The following HIVEP3 variants were observed in gnomAD, a reference collection of about 807,000 sequenced individuals.
HIVEP3 encodes transcription factor HIVEP3.
Under a neutral mutation model 152.8 loss-of-function variants are expected in HIVEP3, and 49 were observed. That is an observed-to-expected ratio of 0.32 (90% CI 0.26 to 0.41). The LOEUF is 0.41. HIVEP3 is among the 10% of genes least tolerant of loss of function. The pLI, the probability that HIVEP3 is intolerant of heterozygous loss-of-function variation, is 1.00. For missense variants in HIVEP3, 2,790 were observed against 3,103.3 expected (o/e 0.90, Z 2.40); for synonymous variants, 1,269 against 1,289.0 (o/e 0.98, Z 0.33).
In HIVEP3 at chr1:41,824,722, C is replaced by T. The variant is rs896824931; in HGVS notation, c.-801+93691G>A. ...GAGTTAACATTTATATCACCAGATA[C>T]CAAGCCCTGTTCCAAGTTAAATATA... On this transcript the variant is annotated intron_variant, in intron 1 of 8. Coordinates refer to ENST00000372583, the MANE Select transcript of HIVEP3 (RefSeq NM_024503.5). Among the ~76,000 whole-genome samples, 18 of 134,934 alleles carry T rather than the reference C, an allele frequency of 1.3e-4. 1 individual carries two copies. The highest frequency in any genetic ancestry group is 2.0e-4 in the Non-Finnish European group (13 of 64,784). The allele number at this position is 134,934 out of a possible 152,430, so 88.5% of individuals were successfully genotyped here. A position where few individuals can be genotyped will look rare whatever the true frequency, so the allele number is the denominator to read the frequency against.
intron 1 of HIVEP3, among the ~76,000 whole-genome samples, chr1:41,915,706 T>C (rs1166259544): frequency 1.3e-5 from 2 of 152,242 alleles, no homozygotes; most frequent in Admixed American, 1.3e-4. Context: ...CTACATAGCA[T>C]GTTACTAAAC....
intron 1 of HIVEP3, among the ~76,000 whole-genome samples, chr1:41,829,167 A>T (rs1052214493): frequency 6.6e-6 from 1 of 152,078 alleles, no homozygotes; most frequent in Admixed American, 6.5e-5. Flanking sequence ...TCACAGGGGT[A>T]TTATTCCATG....
intron 3 of HIVEP3, among the ~76,000 whole-genome samples, chr1:41,613,505 A>C (rs1644925861): frequency 6.6e-6 from 1 of 152,248 alleles, no homozygotes; most frequent in Admixed American, 6.5e-5. Flanking sequence ...GAGTGAATAA[A>C]TAAATAAATG....
intron 6 of HIVEP3, among the ~76,000 whole-genome samples, chr1:41,520,470 C>T (rs1642731669): frequency 6.6e-6 from 1 of 152,178 alleles, no homozygotes. Context: ...TGGACTTCGG[C>T]CCTCATTGTC....
intron 3 of HIVEP3, among the ~76,000 whole-genome samples, chr1:41,608,935 AT>A (rs1278418429): frequency 3.3e-5 from 5 of 150,240 alleles, no homozygotes; most frequent in African/African-American, 7.4e-5. Context: ...AAAAAAAAAA[AT>A]AGCCAGGTGT....
intron 5 of HIVEP3, among the ~76,000 whole-genome samples, chr1:41,559,772 G>A (rs1644028257): frequency 6.6e-6 from 1 of 152,204 alleles, no homozygotes; most frequent in Non-Finnish European, 1.5e-5. Context: ...TGGCAAATGA[G>A]GAATTACGAT....
At chr1:42,030,218 G>A (rs969845777) in intron 1 of HIVEP3, among the ~76,000 whole-genome samples, 2 of 152,200 alleles carry the variant, frequency 1.3e-5, no homozygotes, top group Non-Finnish European at 2.9e-5. Context: ...AACAGAATTC[G>A]TAAACTTTCT....
intron 5 of HIVEP3, among the ~76,000 whole-genome samples, chr1:41,527,054 A>ACACACACCCT (rs1380220116): frequency 0.36 from 18,180 of 50,438 alleles, 4,500 homozygotes; most frequent in Non-Finnish European, 0.41. Context: ...CCTCTTCCTC[A>ACACACACCCT]CACACACCCT....
intron 6 of HIVEP3, among the ~76,000 whole-genome samples, chr1:41,519,416 G>A (rs1642698659): frequency 6.6e-6 from 1 of 152,222 alleles, no homozygotes; most frequent in Non-Finnish European, 1.5e-5. Flanking sequence ...GTGGACAGGA[G>A]CGTTCTAGGA....
chr1:41,998,887 C>CTTTTTTTT lies in HIVEP3; in HGVS notation n.119+36919_119+36920insAAAAAAAA, dbSNP rs1184823372. Reference sequence around the variant, plus strand: ...GCTGGTTTTTAATACTTTTCTCTCTCTCTTTTTTTTTTTTTTTTTTTTTTT... The same window carrying CTTTTTTTT: ...GCTGGTTTTTAATACTTTTCTCTCTCTTTTTTTTTCTTTTTTTTTTTTTTTTTTTTTTT... On this transcript the variant is annotated intron_variant and non_coding_transcript_variant, in intron 1 of 3. Transcript: ENST00000489103. 3.2e-3 allele frequency among the ~76,000 whole-genome samples: 249 copies of CTTTTTTTT among 77,258 alleles called. 13 individuals carry two copies. Among genetic ancestry groups the CTTTTTTTT allele is most frequent in the East Asian group, 9.4e-3 (15 of 1,592 alleles). The allele number at this position is 77,258 out of a possible 152,430, so 50.7% of individuals were successfully genotyped here.
At chr1:41,635,031 G>A (rs972947048) in intron 2 of HIVEP3, among the ~76,000 whole-genome samples, 2 of 152,088 alleles carry the variant, frequency 1.3e-5, no homozygotes, top group African/African-American at 4.8e-5. Flanking sequence ...TTTCTCAAAT[G>A]TCCCTGTACT....
chr1:41,994,722 A>C (rs1276393691), intron 1 of HIVEP3, among the ~76,000 whole-genome samples: 1 of 152,196 alleles, frequency 6.6e-6, no homozygotes, highest in African/African-American at 2.4e-5. Flanking sequence ...CCCAGTCTCA[A>C]GTAGTTATTT....
chr1:41,641,693 G>T (rs1434934237), intron 2 of HIVEP3, among the ~76,000 whole-genome samples: 1 of 152,226 alleles, frequency 6.6e-6, no homozygotes, highest in African/African-American at 2.4e-5. Context: ...GCCCTGTGGG[G>T]CCCAACACTG....
chr1:41,558,607 G>C (rs1644005963), intron 5 of HIVEP3, among the ~76,000 whole-genome samples: 1 of 152,206 alleles, frequency 6.6e-6, no homozygotes, highest in Non-Finnish European at 1.5e-5. Context: ...CATGGCCCCT[G>C]AAGACTCCAC....
At chr1:41,604,583 C>T (rs1311898597) in intron 3 of HIVEP3, among the ~76,000 whole-genome samples, 3 of 152,144 alleles carry the variant, frequency 2.0e-5, no homozygotes, top group East Asian at 1.9e-4. Flanking sequence ...ATCTCACTTG[C>T]CCTGGTACCT....
At chr1:41,667,684 G>A (rs1225463895) in intron 2 of HIVEP3, among the ~76,000 whole-genome samples, 1 of 152,204 alleles carries the variant, frequency 6.6e-6, no homozygotes, top group Admixed American at 6.5e-5. Context: ...GCATGTCCTG[G>A]TCCTGACACT....
intron 5 of HIVEP3, among the ~76,000 whole-genome samples, chr1:41,555,850 G>A (rs1283839345): frequency 6.6e-6 from 1 of 152,124 alleles, no homozygotes; most frequent in African/African-American, 2.4e-5. Context: ...GATACGACTA[G>A]TCTATGTACC....
chr1:41,752,633 A>C (rs1334954994), intron 1 of HIVEP3, among the ~76,000 whole-genome samples: 1 of 151,988 alleles, frequency 6.6e-6, no homozygotes, highest in Non-Finnish European at 1.5e-5. Context: ...ACTTGTTAAA[A>C]ATGCAAATCC....
At chr1:41,885,345 GC>G (rs2124432371) in intron 1 of HIVEP3, among the ~76,000 whole-genome samples, 1 of 152,078 alleles carries the variant, frequency 6.6e-6, no homozygotes, top group Admixed American at 6.5e-5. Flanking sequence ...TTCAAAGCAG[GC>G]CACTGTACTC....
Sources: allele counts gnomAD v4.1 joint callset (sites outside exome capture counted in the v4.1 genomes callset), GRCh38; gene constraint gnomAD v4.1.1; transcripts MANE v1.5; gene names NCBI Gene and HGNC (gene_info 2026-07-23, HGNC 2026-07-21).